Variants in MDGA2 observed in about 807,000 individuals in gnomAD.
The protein encoded by MDGA2 is MAM domain containing glycosylphosphatidylinositol anchor 2, also known as MAM domain-containing glycosylphosphatidylinositol anchor protein 2.
MDGA2 carries 40 observed loss-of-function variants against 117.8 expected under a neutral mutation model. The ratio of observed to expected loss-of-function variants is 0.34; its 90% CI spans 0.26 to 0.44. MDGA2 has a LOEUF of 0.44. Among genes scored for constraint, MDGA2 ranks in the 20% least tolerant of loss-of-function variants. The pLI, the probability that MDGA2 is intolerant of heterozygous loss-of-function variation, is 1.00. For missense variants in MDGA2, 1,123 were observed against 1,250.6 expected (o/e 0.90, Z 1.54); for synonymous variants, 452 against 439.0 (o/e 1.03, Z -0.37).
At chr14:47,073,685 T>C (rs1315017391) in intron 6 of MDGA2, among the ~76,000 whole-genome samples, 1 of 152,144 alleles carries the variant, frequency 6.6e-6, no homozygotes, top group African/African-American at 2.4e-5. Flanking sequence ...AGACTTCATG[T>C]ATTTGGTGGT....
At chr14:47,488,005 T>A (rs906549954) in intron 1 of MDGA2, among the ~76,000 whole-genome samples, 1 of 152,164 alleles carries the variant, frequency 6.6e-6, no homozygotes, top group African/African-American at 2.4e-5. Context: ...AATGGTTTTT[T>A]GAATGCAGGC....
chr14:46,974,294 A>C (rs528268451), intron 8 of MDGA2, among the ~76,000 whole-genome samples: 1 of 152,286 alleles, frequency 6.6e-6, no homozygotes, highest in Non-Finnish European at 1.5e-5. Flanking sequence ...ATACGTCAAA[A>C]CTACCCAAAG....
At chr14:47,031,225 T>TACAC (rs1237828267) in intron 8 of MDGA2, among the ~76,000 whole-genome samples, 4 of 138,632 alleles carry the variant, frequency 2.9e-5, no homozygotes, top group Non-Finnish European at 6.3e-5. Flanking sequence ...TATATATATA[T>TACAC]ATATACACAC....
At chr14:47,473,211 G>T (rs1771406756) in intron 1 of MDGA2, among the ~76,000 whole-genome samples, 1 of 152,124 alleles carries the variant, frequency 6.6e-6, no homozygotes, top group African/African-American at 2.4e-5. Context: ...GACCCCACTG[G>T]CTCAGTCCAT....
chr14:47,632,958 T>C (rs1394910490), intron 1 of MDGA2, among the ~76,000 whole-genome samples: 1 of 152,200 alleles, frequency 6.6e-6, no homozygotes. Context: ...AACTACCTCC[T>C]CTTTAAAATG....
chr14:47,272,756 C>A (rs1386824204), intron 2 of MDGA2, among the ~76,000 whole-genome samples: 1 of 152,204 alleles, frequency 6.6e-6, no homozygotes, highest in African/African-American at 2.4e-5. Context: ...CATTCCATAG[C>A]TATTTTCATC....
intron 1 of MDGA2, among the ~76,000 whole-genome samples, chr14:47,666,805 A>C (rs556026034): frequency 5.7e-4 from 87 of 152,192 alleles, no homozygotes; most frequent in African/African-American, 2.1e-3. Context: ...TTTATGAGCT[A>C]TAACACTCAC....
intron 1 of MDGA2, among the ~76,000 whole-genome samples, chr14:47,458,143 G>A (rs1893400670): frequency 6.6e-6 from 1 of 151,490 alleles, no homozygotes; most frequent in Admixed American, 6.6e-5. Flanking sequence ...AGGTTGTTTT[G>A]TTGCTACTGA....
intron 3 of MDGA2, among the ~76,000 whole-genome samples, chr14:47,178,375 A>G (rs952790853): frequency 8.5e-5 from 13 of 152,124 alleles, no homozygotes; most frequent in Non-Finnish European, 1.8e-4. Context: ...TTTTTTCCCT[A>G]TTCATAATAG....
intron 8 of MDGA2, among the ~76,000 whole-genome samples, chr14:46,974,261 A>C (rs1387739445): frequency 1.3e-5 from 2 of 152,150 alleles, no homozygotes; most frequent in African/African-American, 4.8e-5. Context: ...CATATTCATT[A>C]ATTGGAAGAC....
intron 1 of MDGA2, among the ~76,000 whole-genome samples, chr14:47,338,637 T>G (rs1017686625): frequency 2.0e-5 from 3 of 152,010 alleles, no homozygotes; most frequent in African/African-American, 7.2e-5. Context: ...TCCGTCAAGT[T>G]AAGAATTCTG....
chr14:46,893,340 C>T (rs866184908), intron 10 of MDGA2, among the ~76,000 whole-genome samples: 1 of 151,812 alleles, frequency 6.6e-6, no homozygotes, highest in Non-Finnish European at 1.5e-5. Context: ...GGAAAAATGG[C>T]TACCAGGGGT....
At chr14:47,330,708 C>T (rs542893415) in intron 1 of MDGA2, among the ~76,000 whole-genome samples, 1 of 150,420 alleles carries the variant, frequency 6.6e-6, no homozygotes, top group Non-Finnish European at 1.5e-5. Context: ...TCTACAGCCA[C>T]CAAAAAAAAA....
intron 3 of MDGA2, among the ~76,000 whole-genome samples, chr14:47,158,762 T>A (rs1469317655): frequency 6.6e-6 from 1 of 152,202 alleles, no homozygotes; most frequent in South Asian, 2.1e-4. Context: ...AGCAGCTTTA[T>A]TTCTAATTGC....
intron 5 of MDGA2, among the ~76,000 whole-genome samples, chr14:47,105,699 G>A (rs937687386): frequency 1.1e-4 from 16 of 149,490 alleles, no homozygotes; most frequent in African/African-American, 4.0e-4. Context: ...TTACACATCA[G>A]TCCCTTCCTA....
intron 1 of MDGA2, among the ~76,000 whole-genome samples, chr14:47,615,838 CTGATACTG>C (rs1896939027): frequency 6.6e-6 from 1 of 151,008 alleles, no homozygotes; most frequent in African/African-American, 2.5e-5. Flanking sequence ...AATGGGATGC[CTGATACTG>C]ACCCCAGAAC....
intron 4 of MDGA2, among the ~76,000 whole-genome samples, chr14:47,136,686 C>T (rs146964108): frequency 3.0e-4 from 46 of 152,110 alleles, no homozygotes; most frequent in African/African-American, 1.1e-3. Context: ...CCTGCCTTTC[C>T]ATTTAATGAG....
At chr14:46,843,108 C>T (rs766056701) in intron 16 of MDGA2, among the ~76,000 whole-genome samples, 13 of 151,690 alleles carry the variant, frequency 8.6e-5, no homozygotes, top group Non-Finnish European at 1.8e-4. Flanking sequence ...ATATTTAAAA[C>T]TGCCACACAT....
rs1177315435 is a variant in MDGA2, at chr14:46,884,328, T to C, written c.2239-2107A>G. On this transcript the variant is annotated intron_variant, in intron 10 of 16. Transcript: ENST00000399232. The surrounding 1 kb of genome is among the most constrained non-coding windows in gnomAD (Gnocchi z 4.1). ...AAAAGTAGTTTGGGCAGAAATTCTG[T>C]TACTTTTGAATGCCATTTTCCCTTG... Among the ~76,000 whole-genome samples, 2 of 152,110 alleles carry C rather than the reference T, an allele frequency of 1.3e-5. No individual in the cohort carries two copies. The highest frequency in any genetic ancestry group is 2.9e-5 in the Non-Finnish European group (2 of 68,022).
Sources: allele counts gnomAD v4.1 joint callset (sites outside exome capture counted in the v4.1 genomes callset), GRCh38; gene constraint gnomAD v4.1.1; non-coding constraint Gnocchi (gnomAD v3.1); transcripts MANE v1.5; gene names NCBI Gene and HGNC (gene_info 2026-07-23, HGNC 2026-07-21).